The following SERAC1 variants were observed in gnomAD, a reference collection of about 807,000 sequenced individuals.
SERAC1 encodes the protein serine active site containing 1.
A neutral mutation model predicts 85.7 loss-of-function variants in SERAC1; 36 were observed. The ratio of observed to expected loss-of-function variants is 0.42; its 90% CI spans 0.32 to 0.55. The LOEUF is 0.55. Among genes scored for constraint, SERAC1 ranks in the 20% least tolerant of loss-of-function variants. SERAC1 has a pLI of 0.11. For synonymous variants in SERAC1, 242 were observed against 265.3 expected, an observed-to-expected ratio of 0.91 and a Z score of 0.85; for missense variants, 629 against 796.2, an observed-to-expected ratio of 0.79 and a Z score of 2.53.
At position 158,151,499 on chromosome 6, in the gene SERAC1, G is replaced by A. The variant is rs576449642; in HGVS notation, c.129-910C>T. On this transcript the variant is annotated intron_variant, in intron 3 of 16. Transcript: ENST00000647468. ...TGCAGTGGCACAATCTCGGCTCACC[G>A]CAAGCTCTACCTCCTGGGTTCACGC... Among the ~76,000 whole-genome samples the A allele has an allele frequency of 5.9e-5, 9 of 152,036 alleles. No individual in the cohort carries two copies. The East Asian group carries it at 1.4e-3, about 23-fold the overall frequency.
chr6:158,114,033 T>G (rs992570537), intron 15 of SERAC1, among the ~76,000 whole-genome samples: 1 of 151,110 alleles, frequency 6.6e-6, no homozygotes, highest in Non-Finnish European at 1.5e-5. Context: ...CTAAAAGAGA[T>G]GGATCAGATA....
At chr6:158,114,666 T>A in intron 15 of SERAC1, 123 bp downstream of exon 15, 3 of 545,076 alleles carry the variant, frequency 5.5e-6, no homozygotes, top group South Asian at 4.9e-5. Context: ...CCATGAATAG[T>A]CTAAACACAA....
intron 7 of SERAC1, 121 bp from the exon 8 acceptor site, chr6:158,143,305 GTCTCTCTCTCTCTCTCTCTCTCTC>G (rs753181670): frequency 6.6e-6 from 4 of 606,196 alleles, no homozygotes; most frequent in African/African-American, 2.1e-5. Context: ...ATGTGTGCAT[GTCTCTCTCTCTCTCTCTCTCTCTC>G]TCTCTCTCTC....
At chr6:158,114,399 C>G (rs780853065) in intron 15 of SERAC1, 16 of 790,356 alleles carry the variant, frequency 2.0e-5, no homozygotes, top group Admixed American at 5.8e-5. Context: ...GCTTATCAAA[C>G]CAGAGTACTT....
intron 10 of SERAC1, among the ~76,000 whole-genome samples, chr6:158,126,382 T>TA (rs1219700023): frequency 1.7e-4 from 26 of 150,700 alleles, no homozygotes; most frequent in African/African-American, 5.9e-4. Context: ...GGGCTCCCAT[T>TA]AGTCAAAGCT....
At chr6:158,140,297 G>A (rs754827005) in intron 8 of SERAC1, among the ~76,000 whole-genome samples, 2 of 152,164 alleles carry the variant, frequency 1.3e-5, no homozygotes, top group African/African-American at 2.4e-5. Flanking sequence ...CAACCTCTAG[G>A]GAGGACAGAG....
chr6:158,142,045 G>T (rs9459507), intron 8 of SERAC1, among the ~76,000 whole-genome samples: 4,493 of 151,998 alleles, frequency 0.03, 99 homozygotes, highest in Non-Finnish European at 0.041. Flanking sequence ...AGTTAATAAT[G>T]GTGGTTATTC....
intron 1 of SERAC1, among the ~76,000 whole-genome samples, chr6:158,167,223 T>TAAAAAAAA (rs34350104): frequency 9.8e-6 from 1 of 101,838 alleles, no homozygotes; most frequent in Non-Finnish European, 1.9e-5. Flanking sequence ...CACACGATGT[T>TAAAAAAAA]AAAAAAAAAA....
chr6:158,154,359 G>C lies in SERAC1; in HGVS notation c.128+956C>G, dbSNP rs914843118. On this transcript the variant is annotated intron_variant, in intron 3 of 16. Transcript: ENST00000647468. Reference sequence around the variant, plus strand: ...GCTAGACAAACTGCATTACAGAAAAGGTTCCATATACATTTATGCTTTGCC... The same window carrying C: ...GCTAGACAAACTGCATTACAGAAAACGTTCCATATACATTTATGCTTTGCC... Among the ~76,000 whole-genome samples the C allele has an allele frequency of 2.0e-5, 3 of 151,994 alleles. No homozygotes were observed. In the South Asian group the frequency reaches 6.2e-4, roughly 31 times the overall value.
intron 8 of SERAC1, 30 bp from the exon 9 acceptor site, chr6:158,130,516 GA>G (rs1432510541): frequency 9.9e-6 from 13 of 1,312,770 alleles, no homozygotes; most frequent in Admixed American, 4.6e-5. Flanking sequence ...AATTTTTACT[GA>G]AAAAAAGTGA....
intron 6 of SERAC1, among the ~76,000 whole-genome samples, 197 bp from the exon 7 acceptor site, chr6:158,144,617 C>T (rs907663560): frequency 6.6e-6 from 1 of 152,172 alleles, no homozygotes; most frequent in Non-Finnish European, 1.5e-5. Context: ...CACAATTCTC[C>T]TCAACATATA....
chr6:158,125,967 GAAGAAA>G (rs1269732187), intron 10 of SERAC1, among the ~76,000 whole-genome samples: 1 of 151,964 alleles, frequency 6.6e-6, no homozygotes, highest in African/African-American at 2.4e-5. Context: ...TCAGAAAAAA[GAAGAAA>G]AAGAGGGACA....
Position 158,116,189 on chromosome 6 carries a change from C to T in SERAC1, c.1497G>A (p.Met499Ile). 6.2e-7 allele frequency: 1 copy of T among 1,613,576 alleles called. No individual in the cohort carries two copies. Among genetic ancestry groups the T allele is most frequent in the Non-Finnish European group, 8.5e-7 (1 of 1,179,508 alleles). The stretch of plus-strand genomic sequence containing the variant: ...CAAAGTTGAAGCCACACTTACCTCC[C>T]ATGCTATGTGATATCCAAACCACTG... ...DRPVVWISHS[M>I]GGLLVKKMLL... Residue 499 changes from methionine (M) to isoleucine (I), a missense_variant, in exon 14 of 17, where the codon ATG (methionine) becomes ATA (isoleucine). By Grantham distance (10) the Met-to-Ile change is conservative. Coordinates refer to ENST00000647468, the MANE Select transcript of SERAC1 (RefSeq NM_032861.4).
intron 16 of SERAC1, chr6:158,113,103 A>C: frequency 3.1e-6 from 1 of 320,200 alleles, no homozygotes; most frequent in Non-Finnish European, 5.6e-6. Context: ...AGGGTTCTGC[A>C]TGTAAATATA....
At chr6:158,121,047 A>G (rs1325317333) in intron 10 of SERAC1, among the ~76,000 whole-genome samples, 5 of 152,226 alleles carry the variant, frequency 3.3e-5, no homozygotes, top group African/African-American at 1.2e-4. Context: ...ACTCTTGTAG[A>G]ATCTGGAGAT....
At position 158,155,370 on chromosome 6, in the gene SERAC1, CA is replaced by C. The variant is rs1223614881; in HGVS notation, c.92-20del. ...ATATTTCCTTCAAAAGAAAAAAAGT[CA>C]ATGTGATGAATTTCATTTTTAAAAG... is the stretch of plus-strand genomic sequence containing the variant. On this transcript the variant is annotated intron_variant, in intron 2 of 16. Coordinates refer to ENST00000647468, the MANE Select transcript of SERAC1 (RefSeq NM_032861.4). The C allele has an allele frequency of 6.9e-7, 1 of 1,445,808 alleles. No homozygotes were observed. Among genetic ancestry groups the C allele is most frequent in the Non-Finnish European group, 9.7e-7 (1 of 1,030,816 alleles). The allele number at this position is 1,445,808 out of a possible 1,614,324, so 89.6% of individuals were successfully genotyped here.
At position 158,119,331 on chromosome 6, in the gene SERAC1, G is replaced by A. The variant is rs1261598758; in HGVS notation, c.1167-161C>T. The stretch of plus-strand genomic sequence containing the variant: ...AGCACAGGTTTGCTGGGAAAACCTA[G>A]AAGGAGCTTTGGCAAAGACATACAT... On this transcript the variant is annotated intron_variant, in intron 11 of 16. Transcript: ENST00000647468. The surrounding 1 kb of genome is among the most constrained non-coding windows in gnomAD (Gnocchi z 4.5). Among the ~76,000 whole-genome samples the A allele has an allele frequency of 6.6e-6, 1 of 152,204 alleles. No individual in the cohort carries two copies. The highest frequency in any genetic ancestry group is 1.5e-5 in the Non-Finnish European group (1 of 68,034).
chr6:158,121,287 C>A (rs1784417109), intron 10 of SERAC1, among the ~76,000 whole-genome samples: 1 of 151,884 alleles, frequency 6.6e-6, no homozygotes, highest in East Asian at 1.9e-4. Context: ...CTGTAAAAAA[C>A]GTATGTTTAG....
rs761964407 is a variant in SERAC1 at position 158,114,826 on chromosome 6, A to AAGAT, written c.1643_1646dup (p.Leu550SerfsTer19). On this transcript the variant is annotated frameshift_variant, in exon 15 of 17. Transcript: ENST00000647468. LOFTEE classifies it high-confidence loss of function. ...CTTTGACTTCCAACGAGGGGAAGAGAAGATAGCGAATATTAACAGAGTATT... is the reference window on the plus strand; with the variant it reads ...CTTTGACTTCCAACGAGGGGAAGAGAAGATAGATAGCGAATATTAACAGAGTATT... 6.0e-5 allele frequency: 96 copies of AAGAT among 1,606,342 alleles called. No homozygotes were observed. Among genetic ancestry groups the AAGAT allele is most frequent in the Non-Finnish European group, 1.2e-5 (14 of 1,177,068 alleles).
Sources: gnomAD v4.1 joint callset for allele counts (sites outside exome capture counted in the v4.1 genomes callset) on GRCh38, gnomAD v4.1.1 for gene constraint, Gnocchi (gnomAD v3.1) non-coding constraint, MANE v1.5 for transcripts, NCBI Gene and HGNC (gene_info 2026-07-23, HGNC 2026-07-21) for gene names.